The following ARHGAP6 variants were observed in gnomAD, a reference collection of about 807,000 sequenced individuals.
The protein encoded by ARHGAP6 is rho GTPase-activating protein 6.
In ARHGAP6, 16 loss-of-function variants were observed where a neutral mutation model predicts 55.7. The ratio of observed to expected loss-of-function variants is 0.29; its 90% CI spans 0.19 to 0.44. ARHGAP6 has a LOEUF of 0.44. Ranked by LOEUF, ARHGAP6 falls within the 20% of genes least tolerant of loss-of-function variation. The pLI, the probability that ARHGAP6 is intolerant of heterozygous loss-of-function variation, is 1.00. For synonymous variants in ARHGAP6, 382 were observed against 360.9 expected, an observed-to-expected ratio of 1.06 and a Z score of -0.66; for missense variants, 698 against 808.9, an observed-to-expected ratio of 0.86 and a Z score of 1.66.
chrX:11,592,996 A>T (rs1472508285), intron 1 of ARHGAP6, among the ~76,000 whole-genome samples: 1 of 111,940 alleles, frequency 8.9e-6, no homozygotes, highest in Non-Finnish European at 1.9e-5. Context: ...GGGCATGCAA[A>T]ATAACTTTAG....
chrX:11,460,435 T>C (rs987096952), intron 1 of ARHGAP6, among the ~76,000 whole-genome samples: 3 of 111,724 alleles, frequency 2.7e-5, no homozygotes, highest in African/African-American at 9.8e-5. Context: ...GACCCTTGTA[T>C]GACCCTGTAT....
intron 1 of ARHGAP6, among the ~76,000 whole-genome samples, chrX:11,625,683 T>G (rs1204179435): frequency 8.9e-6 from 1 of 111,967 alleles, no homozygotes; most frequent in African/African-American, 3.2e-5. Context: ...AAGAGAAGAT[T>G]TGAAATGTTC....
chrX:11,665,074 C>G lies in ARHGAP6; in HGVS notation c.-246G>C, dbSNP rs976692506. The stretch of plus-strand genomic sequence containing the variant: ...AATGGGTCTGGGGACCTCCTGCAGC[C>G]GCTAGAACCTTCCTCCGGAGCCCAA... On this transcript the variant is annotated 5_prime_UTR_variant, in exon 1 of 13. Coordinates refer to ENST00000337414, the MANE Select transcript of ARHGAP6 (RefSeq NM_013427.3). The G allele has an allele frequency of 3.5e-5, 11 of 318,200 alleles. No individual in the cohort carries two copies. Among genetic ancestry groups the G allele is most frequent in the African/African-American group, 3.0e-4 (11 of 36,311 alleles). 26.2% of individuals were successfully genotyped at this position (318,200 alleles called of 1,213,427 possible).
At chrX:11,418,540 T>C (rs963495280) in intron 1 of ARHGAP6, among the ~76,000 whole-genome samples, 4 of 112,212 alleles carry the variant, frequency 3.6e-5, no homozygotes, top group Admixed American at 9.5e-5. Context: ...AAAAAAAATC[T>C]AATTGTAGTC....
chrX:11,444,393 C>T lies in ARHGAP6; in HGVS notation c.589-189686G>A, dbSNP rs186750546. 4.4e-5 allele frequency among the ~76,000 whole-genome samples: 5 copies of T among 112,529 alleles called. No homozygotes were observed. In the East Asian group the frequency reaches 1.4e-3, roughly 31 times the overall value. ...TACCAGAGCTTGCTAATTGTCTACC[C>T]AATATCCATTCTCCTGTCATTCATT... On this transcript the variant is annotated intron_variant, in intron 1 of 12. Transcript: ENST00000337414.
chrX:11,583,400 C>A (rs1363216504), intron 1 of ARHGAP6, among the ~76,000 whole-genome samples: 1 of 111,996 alleles, frequency 8.9e-6, no homozygotes, highest in Non-Finnish European at 1.9e-5. Context: ...AAGGGCTATT[C>A]GATATTAGAC....
intron 1 of ARHGAP6, among the ~76,000 whole-genome samples, chrX:11,369,085 C>A (rs971966213): frequency 9.0e-6 from 1 of 111,598 alleles, no homozygotes; most frequent in African/African-American, 3.3e-5. Context: ...TCCCGGGTCC[C>A]TTGAGCCCCT....
rs192940577 is a variant in ARHGAP6, at chrX:11,386,000, T to C, written c.589-131293A>G. ...CTTTAAAAAAATACAAGTGGTGTGATGTTTCTGGAACAGCTGTGGAAGTGT... is the reference window on the plus strand; with the variant it reads ...CTTTAAAAAAATACAAGTGGTGTGACGTTTCTGGAACAGCTGTGGAAGTGT... On this transcript the variant is annotated intron_variant, in intron 1 of 12. Transcript: ENST00000337414. Among the ~76,000 whole-genome samples, 427 of 112,615 alleles carry C rather than the reference T, an allele frequency of 3.8e-3. 1 individual carries two copies. The highest frequency in any genetic ancestry group is 0.011 in the South Asian group (31 of 2,737).
At chrX:11,572,166 T>C (rs1310483617) in intron 1 of ARHGAP6, among the ~76,000 whole-genome samples, 1 of 111,562 alleles carries the variant, frequency 9.0e-6, no homozygotes, top group Non-Finnish European at 1.9e-5. Flanking sequence ...TAATGGGTAA[T>C]GAGGTTTCTT....
In ARHGAP6 at chrX:11,169,715, T is replaced by C. The variant is rs374420751; in HGVS notation, c.1630-31A>G. The C allele has an allele frequency of 2.5e-4, 264 of 1,064,258 alleles. No homozygotes were observed. The African/African-American group carries it at 4.7e-3, about 19-fold the overall frequency. The allele number at this position is 1,064,258 out of a possible 1,213,427, so 87.7% of individuals were successfully genotyped here. ...AGAGAACAGAACACAAGGACTGTTG[T>C]TATGTTTGCCTTTCAAGATACTGGG... On this transcript the variant is annotated intron_variant, in intron 8 of 12. Coordinates refer to ENST00000337414, the MANE Select transcript of ARHGAP6 (RefSeq NM_013427.3).
chrX:11,541,218 T>C (rs1325764793), intron 1 of ARHGAP6, among the ~76,000 whole-genome samples: 4 of 111,235 alleles, frequency 3.6e-5, no homozygotes, highest in Non-Finnish European at 7.5e-5. Flanking sequence ...GGAGAAAACA[T>C]GGGCAAGAGC....
intron 9 of ARHGAP6, among the ~76,000 whole-genome samples, chrX:11,164,211 A>T (rs1163933220): frequency 8.9e-6 from 1 of 112,207 alleles, no homozygotes; most frequent in African/African-American, 3.2e-5. Context: ...CCACATCAAA[A>T]TGCCTCTTCT....
chrX:11,180,695 C>G (rs1221891130), intron 6 of ARHGAP6, among the ~76,000 whole-genome samples: 2 of 111,840 alleles, frequency 1.8e-5, no homozygotes, highest in South Asian at 7.6e-4. Flanking sequence ...TAATGGATCC[C>G]GATATAACTG....
chrX:11,521,009 GT>G (rs1437654136), intron 1 of ARHGAP6, among the ~76,000 whole-genome samples: 3 of 111,848 alleles, frequency 2.7e-5, no homozygotes, highest in African/African-American at 9.7e-5. Context: ...TGATGGGGTT[GT>G]TTTTTTCTTG....
chrX:11,629,325 T>C (rs2052334956), intron 1 of ARHGAP6, among the ~76,000 whole-genome samples: 1 of 111,649 alleles, frequency 9.0e-6, no homozygotes, highest in Non-Finnish European at 1.9e-5. Context: ...AAATGTTCTC[T>C]GACTACCAAC....
intron 1 of ARHGAP6, among the ~76,000 whole-genome samples, chrX:11,591,931 C>T (rs892333965): frequency 6.3e-5 from 7 of 111,722 alleles, no homozygotes; most frequent in African/African-American, 2.3e-4. Context: ...TCTTTTTTTA[C>T]ACTTCACAAT....
chrX:11,487,805 A>G (rs1398506463), intron 1 of ARHGAP6, among the ~76,000 whole-genome samples: 1 of 111,651 alleles, frequency 9.0e-6, no homozygotes, highest in Non-Finnish European at 1.9e-5. Flanking sequence ...GGAAGAGATG[A>G]ATTGTTTTCC....
chrX:11,577,654 C>A (rs2051616194), intron 1 of ARHGAP6, among the ~76,000 whole-genome samples: 2 of 111,744 alleles, frequency 1.8e-5, no homozygotes, highest in African/African-American at 6.5e-5. Context: ...CTAGGGTCAT[C>A]TAATCCAATG....
chrX:11,544,530 G>A (rs1254539877), intron 1 of ARHGAP6, among the ~76,000 whole-genome samples: 4 of 112,309 alleles, frequency 3.6e-5, no homozygotes, highest in Non-Finnish European at 7.5e-5. Flanking sequence ...TCAGTTTTGA[G>A]GTTGAAAAAT....
Sources: gnomAD v4.1 joint callset for allele counts (sites outside exome capture counted in the v4.1 genomes callset) on GRCh38, gnomAD v4.1.1 for gene constraint, MANE v1.5 for transcripts, NCBI Gene and HGNC (gene_info 2026-07-23, HGNC 2026-07-21) for gene names.